Variants in MAGI2 observed in about 807,000 individuals in gnomAD.
MAGI2 encodes membrane associated guanylate kinase, WW and PDZ domain containing 2.
A neutral mutation model predicts 133.3 loss-of-function variants in MAGI2; 35 were observed. The observed-to-expected ratio is 0.26, with a 90% CI of 0.20 to 0.35. The LOEUF (loss-of-function observed/expected upper bound fraction) is 0.35, where lower values mean the gene tolerates loss of function less well. Ranked by LOEUF, MAGI2 falls within the 10% of genes least tolerant of loss-of-function variation. MAGI2 has a pLI of 1.00. For missense variants in MAGI2, 1,636 were observed against 1,863.4 expected (o/e 0.88, Z 2.25); for synonymous variants, 729 against 710.6 (o/e 1.03, Z -0.41).
intron 21 of MAGI2, among the ~76,000 whole-genome samples, chr7:78,053,399 G>A (rs955738662): frequency 6.6e-6 from 1 of 152,212 alleles, no homozygotes; most frequent in African/African-American, 2.4e-5. Context: ...GGAATTCAGC[G>A]GGAGGGGCCG....
At chr7:78,680,610 T>G (rs1366599481) in intron 2 of MAGI2, among the ~76,000 whole-genome samples, 1 of 152,154 alleles carries the variant, frequency 6.6e-6, no homozygotes, top group Non-Finnish European at 1.5e-5. Context: ...CCACAACATT[T>G]CCAGTATGAG....
At chr7:78,735,215 T>G (rs1433762307) in intron 2 of MAGI2, among the ~76,000 whole-genome samples, 1 of 152,184 alleles carries the variant, frequency 6.6e-6, no homozygotes, top group African/African-American at 2.4e-5. Context: ...TACATTATAA[T>G]GTATATCAGA....
At chr7:79,052,836 A>G (rs1485900922) in intron 1 of MAGI2, among the ~76,000 whole-genome samples, 1 of 152,196 alleles carries the variant, frequency 6.6e-6, no homozygotes, top group African/African-American at 2.4e-5. Flanking sequence ...AAGGGTACCA[A>G]GTGACATTGG....
chr7:78,402,251 G>C (rs1448266831), intron 6 of MAGI2, among the ~76,000 whole-genome samples: 2 of 151,234 alleles, frequency 1.3e-5, no homozygotes, highest in Admixed American at 6.6e-5. Context: ...TGCCTACCTG[G>C]GGGGTGTGTG....
chr7:78,408,011 T>A (rs1050724371), intron 6 of MAGI2, among the ~76,000 whole-genome samples: 11 of 152,082 alleles, frequency 7.2e-5, no homozygotes, highest in Admixed American at 2.0e-4. Context: ...GAAGGGATAG[T>A]CTAACTTTTC....
intron 20 of MAGI2, among the ~76,000 whole-genome samples, chr7:78,105,947 C>A (rs1818641592): frequency 6.6e-6 from 1 of 151,968 alleles, no homozygotes; most frequent in Non-Finnish European, 1.5e-5. Flanking sequence ...AATACTAGAT[C>A]TTCATCATTC....
intron 1 of MAGI2, among the ~76,000 whole-genome samples, chr7:79,311,656 A>G (rs543692198): frequency 1.3e-5 from 2 of 152,036 alleles, no homozygotes; most frequent in African/African-American, 4.8e-5. Context: ...ATGATTCCCA[A>G]ATGTACTCCA....
At chr7:79,374,076 A>G (rs1843222304) in intron 1 of MAGI2, among the ~76,000 whole-genome samples, 1 of 152,052 alleles carries the variant, frequency 6.6e-6, no homozygotes, top group African/African-American at 2.4e-5. Context: ...AGAATATGAT[A>G]TGGTACACAA....
chr7:78,650,226 C>G (rs2151011645), intron 2 of MAGI2, among the ~76,000 whole-genome samples: 1 of 152,294 alleles, frequency 6.6e-6, no homozygotes, highest in East Asian at 1.9e-4. Flanking sequence ...AAGAAAGTAA[C>G]TCACAAAGCA....
intron 1 of MAGI2, among the ~76,000 whole-genome samples, chr7:79,310,194 AAGAGAG>A (rs71095394): frequency 6.4e-5 from 6 of 93,052 alleles, no homozygotes; most frequent in Non-Finnish European, 7.5e-5. Flanking sequence ...AAAAAAAAAA[AAGAGAG>A]AGAGAGAGAA....
At chr7:78,135,347 A>G (rs1822001661) in intron 16 of MAGI2, 141 bp from the exon 17 acceptor site, 4 of 721,866 alleles carry the variant, frequency 5.5e-6, no homozygotes, top group African/African-American at 3.5e-5. Flanking sequence ...ACTAATTTCT[A>G]TCAAATGGGG....
intron 6 of MAGI2, among the ~76,000 whole-genome samples, chr7:78,441,606 A>C (rs1459263434): frequency 6.6e-6 from 1 of 152,066 alleles, no homozygotes; most frequent in Admixed American, 6.6e-5. Context: ...CCTCTATTAC[A>C]ATTAGTTAAC....
intron 1 of MAGI2, among the ~76,000 whole-genome samples, chr7:79,186,621 T>C (rs956046188): frequency 2.1e-5 from 3 of 142,108 alleles, no homozygotes; most frequent in Non-Finnish European, 4.5e-5. Flanking sequence ...GAGACCTAAA[T>C]GTATATACTT....
intron 5 of MAGI2, among the ~76,000 whole-genome samples, chr7:78,493,385 C>G (rs1793797602): frequency 6.6e-6 from 1 of 152,204 alleles, no homozygotes; most frequent in African/African-American, 2.4e-5. Flanking sequence ...CAGAGTTATT[C>G]TCACTATCCC....
At chr7:79,260,611 AT>A (rs1338600849) in intron 1 of MAGI2, among the ~76,000 whole-genome samples, 1 of 152,154 alleles carries the variant, frequency 6.6e-6, no homozygotes, top group African/African-American at 2.4e-5. Flanking sequence ...ATTTATGAAC[AT>A]TGACATGATG....
At chr7:79,070,005 T>C (rs1182759940) in intron 1 of MAGI2, among the ~76,000 whole-genome samples, 1 of 152,200 alleles carries the variant, frequency 6.6e-6, no homozygotes, top group Non-Finnish European at 1.5e-5. Context: ...TATTTGTGGG[T>C]AACCCAACCT....
chr7:79,007,075 G>GC lies in MAGI2; in HGVS notation c.418+14dup. ...CTCTCAACATAAAAATATTAATACT[G>GC]CCCATTGTACTCACATGGCACCGTG... On this transcript the variant is annotated intron_variant, in intron 2 of 21. Transcript: ENST00000354212. 6.7e-7 allele frequency: 1 copy of GC among 1,501,630 alleles called. No individual in the cohort carries two copies. Among genetic ancestry groups the GC allele is most frequent in the African/African-American group, 1.4e-5 (1 of 70,876 alleles). The allele number at this position is 1,501,630 out of a possible 1,614,324, so 93.0% of individuals were successfully genotyped here. A position where few individuals can be genotyped will look rare whatever the true frequency, so the allele number is the denominator to read the frequency against.
intron 2 of MAGI2, among the ~76,000 whole-genome samples, chr7:78,974,672 C>A (rs577044724): frequency 1.3e-4 from 20 of 151,704 alleles, no homozygotes; most frequent in African/African-American, 4.6e-4. Context: ...TTATTGTAAT[C>A]TCATTTATCT....
chr7:79,364,486 A>G (rs2129126227), intron 1 of MAGI2, among the ~76,000 whole-genome samples: 1 of 152,214 alleles, frequency 6.6e-6, no homozygotes, highest in East Asian at 1.9e-4. Flanking sequence ...TTTACATACA[A>G]AATAAATAAT....
Sources: allele counts gnomAD v4.1 joint callset (sites outside exome capture counted in the v4.1 genomes callset), GRCh38; gene constraint gnomAD v4.1.1; transcripts MANE v1.5; gene names NCBI Gene and HGNC (gene_info 2026-07-23, HGNC 2026-07-21).